The following IFT88 variants were observed in gnomAD, a reference collection of about 807,000 sequenced individuals.
IFT88 encodes the protein intraflagellar transport protein 88 homolog.
A neutral mutation model predicts 119.5 loss-of-function variants in IFT88; 74 were observed. The ratio of observed to expected loss-of-function variants is 0.62; its 90% confidence interval spans 0.51 to 0.75. The LOEUF (loss-of-function observed/expected upper bound fraction) is 0.75. IFT88 is among the 30% of genes least tolerant of loss of function. IFT88 has a pLI of 0.00. For synonymous variants in IFT88, 279 were observed against 316.7 expected (o/e 0.88, Z 1.26); for missense variants, 961 against 977.7 (o/e 0.98, Z 0.23).
At chr13:20,572,932 A>G (rs1442395577) in intron 1 of IFT88, among the ~76,000 whole-genome samples, 1 of 152,122 alleles carries the variant, frequency 6.6e-6, no homozygotes, top group Non-Finnish European at 1.5e-5. Flanking sequence ...ATTCTTTTTT[A>G]TTGCTGGATA....
At chr13:20,647,630 A>T (rs2050949753) in intron 20 of IFT88, among the ~76,000 whole-genome samples, 1 of 152,172 alleles carries the variant, frequency 6.6e-6, no homozygotes, top group East Asian at 1.9e-4. Context: ...TGACTGGTCC[A>T]CTTAATGTAA....
intron 11 of IFT88, among the ~76,000 whole-genome samples, 157 bp downstream of exon 11, chr13:20,599,722 G>A (rs1022565222): frequency 6.6e-6 from 1 of 151,964 alleles, no homozygotes; most frequent in Admixed American, 6.5e-5. Context: ...CTTACTACTT[G>A]TACACATTTT....
chr13:20,608,107 A>C, intron 13 of IFT88: 1 of 468,980 alleles, frequency 2.1e-6, no homozygotes, highest in Non-Finnish European at 4.2e-6. Flanking sequence ...CTTCCAGTAC[A>C]GCTGGCAGAG....
intron 24 of IFT88, among the ~76,000 whole-genome samples, chr13:20,688,899 A>AT (rs1276829110): frequency 2.6e-5 from 4 of 151,954 alleles, no homozygotes; most frequent in African/African-American, 9.7e-5. Context: ...GCCAAGTTTT[A>AT]TTTTTTATAT....
chr13:20,672,271 G>A lies in IFT88; in HGVS notation c.2242+1232G>A, dbSNP rs2056015820. ...GCATCGGGTTCTAGCCAGGCCACTTGATTCCCCAAGAGTCAGTCCAGCGTC... is the reference window on the plus strand; with the variant it reads ...GCATCGGGTTCTAGCCAGGCCACTTAATTCCCCAAGAGTCAGTCCAGCGTC... On this transcript the variant is annotated intron_variant, in intron 24 of 25. Coordinates refer to ENST00000351808, the MANE Select transcript of IFT88 (RefSeq NM_006531.5). Among the ~76,000 whole-genome samples, 3 of 152,152 alleles carry A rather than the reference G, an allele frequency of 2.0e-5. No individual in the cohort carries two copies. In the South Asian group the frequency reaches 6.2e-4, roughly 32 times the overall value.
intron 22 of IFT88, among the ~76,000 whole-genome samples, chr13:20,659,220 G>A (rs1011834277): frequency 2.0e-5 from 3 of 152,204 alleles, no homozygotes; most frequent in African/African-American, 7.2e-5. Flanking sequence ...CTGGCTGTGC[G>A]TGATGGCTCA....
intron 2 of IFT88, among the ~76,000 whole-genome samples, chr13:20,577,299 C>G (rs2037570885): frequency 1.3e-5 from 2 of 152,060 alleles, no homozygotes; most frequent in South Asian, 2.1e-4. Context: ...ATCATATCAT[C>G]TATAAACTAG....
intron 15 of IFT88, among the ~76,000 whole-genome samples, chr13:20,628,086 G>T (rs1260973935): frequency 1.3e-5 from 2 of 152,094 alleles, no homozygotes; most frequent in African/African-American, 2.4e-5. Flanking sequence ...AAAGGATTGG[G>T]TTGACGTATC....
At chr13:20,603,138 G>A (rs1024437317) in intron 12 of IFT88, among the ~76,000 whole-genome samples, 3 of 152,130 alleles carry the variant, frequency 2.0e-5, no homozygotes, top group African/African-American at 7.2e-5. Flanking sequence ...TTGGCATACT[G>A]TATATTAGTT....
At chr13:20,674,678 AT>A (rs1283842531) in intron 24 of IFT88, among the ~76,000 whole-genome samples, 2 of 142,906 alleles carry the variant, frequency 1.4e-5, no homozygotes, top group African/African-American at 2.5e-5. Flanking sequence ...TTGTAAACAT[AT>A]TTTATTTAAA....
At chr13:20,607,726 G>C in intron 13 of IFT88, 2 of 758,834 alleles carry the variant, frequency 2.6e-6, no homozygotes, top group Non-Finnish European at 4.9e-6. Flanking sequence ...CCTGCTTCTG[G>C]CTGTCAGCGG....
chr13:20,580,369 TAGCC>T (rs1266079724), intron 2 of IFT88, among the ~76,000 whole-genome samples: 6 of 151,980 alleles, frequency 3.9e-5, no homozygotes, highest in Non-Finnish European at 8.8e-5. Context: ...ATACAAAAAT[TAGCC>T]AGCCGTGGTG....
chr13:20,567,791 G>C, intron 1 of IFT88: 1 of 1,342,896 alleles, frequency 7.4e-7, no homozygotes, highest in African/African-American at 1.5e-5. Context: ...GTGAAGTACT[G>C]TTGTCCCAAG....
intron 23 of IFT88, among the ~76,000 whole-genome samples, chr13:20,670,231 G>C (rs2055563102): frequency 2.6e-5 from 4 of 152,176 alleles, no homozygotes; most frequent in African/African-American, 7.2e-5. Context: ...AAAGCCATCT[G>C]TCTCTGTTCA....
intron 23 of IFT88, among the ~76,000 whole-genome samples, chr13:20,669,317 A>AT (rs1386696572): frequency 1.2e-4 from 19 of 152,316 alleles, no homozygotes; most frequent in African/African-American, 4.1e-4. Context: ...ACCTTCGCAT[A>AT]TCCTGTTCTG....
chr13:20,639,514 G>T (rs2049527286), intron 17 of IFT88, among the ~76,000 whole-genome samples: 1 of 152,142 alleles, frequency 6.6e-6, no homozygotes, highest in African/African-American at 2.4e-5. Flanking sequence ...GAAGGAATTA[G>T]CCATTTTAGG....
intron 14 of IFT88, among the ~76,000 whole-genome samples, chr13:20,623,374 AT>A (rs1231091670): frequency 7.2e-5 from 11 of 152,162 alleles, no homozygotes; most frequent in Admixed American, 6.5e-4. Flanking sequence ...TTTGGTAGAG[AT>A]TGCATTGAAT....
intron 13 of IFT88, among the ~76,000 whole-genome samples, chr13:20,614,812 C>CTTTTATT (rs2045301894): frequency 3.9e-5 from 4 of 101,912 alleles, no homozygotes; most frequent in Non-Finnish European, 7.3e-5. Flanking sequence ...AAGATTATTT[C>CTTTTATT]TTTTCTTTTT....
At chr13:20,635,812 A>C (rs879597529) in intron 16 of IFT88, among the ~76,000 whole-genome samples, 1 of 152,140 alleles carries the variant, frequency 6.6e-6, no homozygotes, top group African/African-American at 2.4e-5. Context: ...TGATAGGTCC[A>C]GCAAACCACC....
Sources: allele counts gnomAD v4.1 joint callset (sites outside exome capture counted in the v4.1 genomes callset), GRCh38; gene constraint gnomAD v4.1.1; transcripts MANE v1.5; gene names NCBI Gene and HGNC (gene_info 2026-07-23, HGNC 2026-07-21).